Variants in NCAPG2 observed in about 807,000 individuals in gnomAD.
NCAPG2 encodes the protein condensin-2 complex subunit G2.
Under a neutral mutation model 141.1 loss-of-function variants are expected in NCAPG2, and 53 were observed. That is an observed-to-expected ratio of 0.38 (90% CI 0.30 to 0.47). The LOEUF is 0.47. Among genes scored for constraint, NCAPG2 ranks in the 20% least tolerant of loss-of-function variants. The pLI, the probability that NCAPG2 is intolerant of heterozygous loss-of-function variation, is 0.99. For synonymous variants in NCAPG2, 499 were observed against 490.7 expected (o/e 1.02, Z -0.22); for missense variants, 1,087 against 1,389.0 (o/e 0.78, Z 3.46).
intron 13 of NCAPG2, chr7:158,668,483 G>GAATGTATCTCTAAA: frequency 1.1e-6 from 1 of 911,098 alleles, no homozygotes; most frequent in Non-Finnish European, 1.3e-6. Flanking sequence ...TTATCTTTTA[G>GAATGTATCTCTAAA]AGATACATTC....
Position 158,655,102 on chromosome 7 carries a change from T to C in NCAPG2, c.2646+16A>G. 6.3e-7 allele frequency: 1 copy of C among 1,591,728 alleles called. No individual in the cohort carries two copies. Among genetic ancestry groups the C allele is most frequent in the Non-Finnish European group, 8.5e-7 (1 of 1,173,580 alleles). ...CTTGGTAAAGAGAAAGTTTTCTGTG[T>C]CTTAAGACTTCTAACCTGGATAATT... On this transcript the variant is annotated intron_variant, in intron 21 of 27. Transcript: ENST00000356309.
chr7:158,650,901 A>G lies in NCAPG2; in HGVS notation c.3006T>C (p.Pro1002=), dbSNP rs1428473591. The change falls in exon 24 of 28, where the codon CCT becomes CCC. Residue 1002 remains proline, a synonymous_variant. Coordinates refer to ENST00000356309, the MANE Select transcript of NCAPG2 (RefSeq NM_017760.7). The part of the protein sequence containing the change: ...TAVQSRHTDT[P]VHRGVLSTLI... ...GAGTAGAAAGTACACCCCGGTGCAC[A>G]GGGGTGTCTGTGTGCCGAGACTGAA... 5.0e-6 allele frequency: 8 copies of G among 1,613,232 alleles called. No homozygotes were observed. The African/African-American group carries it at 5.3e-5, about 11-fold the overall frequency.
chr7:158,643,680 C>T (rs1288358305), intron 27 of NCAPG2, among the ~76,000 whole-genome samples: 2 of 152,194 alleles, frequency 1.3e-5, no homozygotes, highest in Non-Finnish European at 2.9e-5. Flanking sequence ...AGCTTTACAA[C>T]GCTTCACCTA....
chr7:158,656,061 G>C (rs549652045), intron 19 of NCAPG2, among the ~76,000 whole-genome samples, 199 bp downstream of exon 19: 38 of 152,332 alleles, frequency 2.5e-4, no homozygotes, highest in Non-Finnish European at 4.4e-4. Flanking sequence ...TTCTGAACAC[G>C]TGTCAACTGG....
At position 158,655,385 on chromosome 7, in the gene NCAPG2, C is replaced by T. The variant is rs559590994; in HGVS notation, c.2459G>A (p.Arg820Gln). The change falls in exon 20 of 28, where the codon CGA becomes CAA. Residue 820 changes from arginine (R) to glutamine (Q), a missense_variant. Coordinates refer to ENST00000356309, the MANE Select transcript of NCAPG2 (RefSeq NM_017760.7). Reference sequence around the variant, plus strand: ...CAGGCGACAGTGGAGACCAAAGGCTCGCGGGGCAGCTGCTTCACTGAAGCC... The same window carrying T: ...CAGGCGACAGTGGAGACCAAAGGCTTGCGGGGCAGCTGCTTCACTGAAGCC... The part of the protein sequence containing the change: ...PRGFSEAAAP[R>Q]AFGLHCRLSI... 2.4e-5 allele frequency: 39 copies of T among 1,614,158 alleles called. No homozygotes were observed. The highest frequency in any genetic ancestry group is 7.7e-5 in the South Asian group (7 of 91,088).
chr7:158,692,569 C>A lies in NCAPG2; in HGVS notation c.382+273G>T, dbSNP rs538314110. 3.9e-5 allele frequency among the ~76,000 whole-genome samples: 6 copies of A among 152,266 alleles called. No homozygotes were observed. The South Asian group carries it at 1.2e-3, about 32-fold the overall frequency. ...CTAGCCTGACCAACATGGAGAAACCCTGTCTCTACTAAAAATACAAAATTA... is the reference window on the plus strand; with the variant it reads ...CTAGCCTGACCAACATGGAGAAACCATGTCTCTACTAAAAATACAAAATTA... On this transcript the variant is annotated intron_variant, in intron 4 of 27. Coordinates refer to ENST00000356309, the MANE Select transcript of NCAPG2 (RefSeq NM_017760.7).
Position 158,690,582 on chromosome 7 carries a change from G to GA in NCAPG2, c.522dup (p.Leu175SerfsTer4), listed in dbSNP as rs1467126372. On this transcript the variant is annotated frameshift_variant, in exon 5 of 28. Coordinates refer to ENST00000356309, the MANE Select transcript of NCAPG2 (RefSeq NM_017760.7). LOFTEE classifies it high-confidence loss of function. ...AGTGAGCATACTGTCTTAGTCTCCA[G>GA]ACTCCTCCTTAGTAACATGACAAAG... 1 of 1,614,016 alleles carries GA rather than the reference G, an allele frequency of 6.2e-7. No homozygotes were observed. The highest frequency in any genetic ancestry group is 1.7e-5 in the Admixed American group (1 of 59,982).
chr7:158,689,042 G>A (rs1040025883), intron 6 of NCAPG2, among the ~76,000 whole-genome samples: 9 of 152,180 alleles, frequency 5.9e-5, no homozygotes, highest in African/African-American at 2.2e-4. Context: ...GGCACTGCCT[G>A]AGCATGTAGT....
At chr7:158,703,289 G>T (rs1234396862) in intron 1 of NCAPG2, among the ~76,000 whole-genome samples, 1 of 152,170 alleles carries the variant, frequency 6.6e-6, no homozygotes, top group Non-Finnish European at 1.5e-5. Context: ...ACAAATTCAT[G>T]ATTTTAGAAA....
chr7:158,701,221 A>G (rs1306620385), intron 2 of NCAPG2, among the ~76,000 whole-genome samples: 3 of 152,198 alleles, frequency 2.0e-5, no homozygotes, highest in Admixed American at 2.0e-4. Context: ...TCCCATTTCC[A>G]GTTCCTAATT....
chr7:158,681,292 G>A (rs991399381), intron 9 of NCAPG2, among the ~76,000 whole-genome samples: 5 of 152,176 alleles, frequency 3.3e-5, no homozygotes, highest in African/African-American at 1.2e-4. Context: ...ACCCCTCACT[G>A]TATGAGATTA....
At chr7:158,655,025 T>C in intron 21 of NCAPG2, 93 bp downstream of exon 21, 2 of 1,413,950 alleles carry the variant, frequency 1.4e-6, no homozygotes, top group African/African-American at 1.4e-5. Flanking sequence ...ATAACACTAA[T>C]GTCTAAAATT....
rs1587332089 is a variant in NCAPG2, at chr7:158,704,756, G to C, written c.-72C>G. 6.6e-6 allele frequency: 1 copy of C among 152,276 alleles called. No individual in the cohort carries two copies. The highest frequency in any genetic ancestry group is 1.5e-5 in the Non-Finnish European group (1 of 68,136). 9.4% of individuals were successfully genotyped at this position (152,276 alleles called of 1,614,324 possible). A position where few individuals can be genotyped will look rare whatever the true frequency, so the allele number is the denominator to read the frequency against. ...CGGGGACCCGCCGTTTCCCGCGCTCGGACCAGATTCAAACGCACCCGCCGG... is the reference window on the plus strand; with the variant it reads ...CGGGGACCCGCCGTTTCCCGCGCTCCGACCAGATTCAAACGCACCCGCCGG... On this transcript the variant is annotated 5_prime_UTR_variant, in exon 1 of 28. Coordinates refer to ENST00000356309, the MANE Select transcript of NCAPG2 (RefSeq NM_017760.7).
intron 24 of NCAPG2, among the ~76,000 whole-genome samples, chr7:158,647,058 G>T (rs1831079249): frequency 6.6e-6 from 1 of 151,626 alleles, no homozygotes; most frequent in Non-Finnish European, 1.5e-5. Flanking sequence ...ATAAACGAAA[G>T]TGTTTATTCA....
intron 22 of NCAPG2, 95 bp from the exon 23 acceptor site, chr7:158,652,575 C>CA (rs5888763): frequency 0.59 from 576,676 of 984,510 alleles, 174,527 homozygotes; most frequent in Non-Finnish European, 0.6. Context: ...AAAATGGTAA[C>CA]AAAAAAGAGA....
Position 158,656,562 on chromosome 7 carries a change from G to A in NCAPG2, c.2204C>T (p.Ala735Val). The A allele has an allele frequency of 1.2e-6, 2 of 1,614,108 alleles. No individual in the cohort carries two copies. Among genetic ancestry groups the A allele is most frequent in the East Asian group, 2.2e-5 (1 of 44,884 alleles). ...ATGATGTCAACCTACCTTGGCCTGG[G>A]CATGCTCTGTGGGCAGCCAGTTGTC... ...LVDNWLPTEH[A>V]QAKSNTASKG... Residue 735 changes from alanine to valine, a missense_variant, in exon 18 of 28, where the codon GCC becomes GTC. Coordinates refer to ENST00000356309, the MANE Select transcript of NCAPG2 (RefSeq NM_017760.7).
At chr7:158,700,370 A>G (rs1302462542) in intron 2 of NCAPG2, among the ~76,000 whole-genome samples, 1 of 152,210 alleles carries the variant, frequency 6.6e-6, no homozygotes, top group Non-Finnish European at 1.5e-5. Flanking sequence ...GCACCCCAGA[A>G]GGGCACCTGT....
chr7:158,632,764 C>A, intron 27 of NCAPG2, among the ~76,000 whole-genome samples: 1 of 152,276 alleles, frequency 6.6e-6, no homozygotes, highest in East Asian at 1.9e-4. Context: ...GGATCAAGAC[C>A]TTGCTTCTTT....
chr7:158,693,508 A>C lies in NCAPG2; in HGVS notation c.79-11T>G, dbSNP rs780226207. ...ATCAGAGGCCTCTTTCTGTAACATA[A>C]ATAGCAAGTGTCACATTTCAAATAC... On this transcript the variant is annotated splice_polypyrimidine_tract_variant and intron_variant, in intron 2 of 27. Transcript: ENST00000356309. 1.9e-6 allele frequency: 3 copies of C among 1,594,390 alleles called. No homozygotes were observed. In the South Asian group the frequency reaches 3.4e-5, roughly 18 times the overall value.
Sources: allele counts gnomAD v4.1 joint callset (sites outside exome capture counted in the v4.1 genomes callset), GRCh38; gene constraint gnomAD v4.1.1; transcripts MANE v1.5; gene names NCBI Gene and HGNC (gene_info 2026-07-23, HGNC 2026-07-21).